Variants in TEKT5 observed in about 807,000 individuals in gnomAD.
The protein encoded by TEKT5 is tektin 5.
In TEKT5, 52 loss-of-function variants were observed where a neutral mutation model predicts 48.7. The observed-to-expected ratio is 1.07, with a 90% confidence interval of 0.86 to 1.35. The LOEUF (loss-of-function observed/expected upper bound fraction) is 1.35. Among genes scored for constraint, TEKT5 ranks in the 40% most tolerant of loss-of-function variants. TEKT5 has a pLI of 0.00. For missense variants in TEKT5, 831 were observed against 641.6 expected (o/e 1.30, Z -3.19); for synonymous variants, 318 against 267.6 (o/e 1.19, Z -1.84).
chr16:10,647,198 G>A (rs369716818), intron 5 of TEKT5, among the ~76,000 whole-genome samples: 8 of 152,106 alleles, frequency 5.3e-5, no homozygotes, highest in East Asian at 1.9e-4. Flanking sequence ...GGCTGGGCGC[G>A]GTGGCTGACA....
chr16:10,656,432 T>G (rs1898263733), intron 5 of TEKT5, among the ~76,000 whole-genome samples: 1 of 151,980 alleles, frequency 6.6e-6, no homozygotes, highest in Non-Finnish European at 1.5e-5. Flanking sequence ...TTTTTATTTT[T>G]CTTAGAGACA....
chr16:10,653,652 C>T (rs1898207729), intron 5 of TEKT5, among the ~76,000 whole-genome samples: 1 of 152,176 alleles, frequency 6.6e-6, no homozygotes, highest in South Asian at 2.1e-4. Context: ...GTGGCCTACG[C>T]TTGTAATCCA....
intron 5 of TEKT5, among the ~76,000 whole-genome samples, chr16:10,637,197 G>A (rs1318878193): frequency 6.6e-6 from 1 of 151,792 alleles, no homozygotes; most frequent in Non-Finnish European, 1.5e-5. Flanking sequence ...TGTTACCCAG[G>A]ATTGATTTTT....
chr16:10,681,786 G>A (rs964237560), intron 4 of TEKT5, among the ~76,000 whole-genome samples: 1 of 151,952 alleles, frequency 6.6e-6, no homozygotes, highest in Admixed American at 6.6e-5. Flanking sequence ...TGAGTTCGTG[G>A]CTCCCCCATA....
At chr16:10,646,184 C>T (rs1175167973) in intron 5 of TEKT5, among the ~76,000 whole-genome samples, 1 of 152,054 alleles carries the variant, frequency 6.6e-6, no homozygotes, top group Admixed American at 6.6e-5. Flanking sequence ...AAATGGACAT[C>T]CTGTATTTGT....
chr16:10,640,071 C>CTCCTTCTTCTCCT (rs1221853353), intron 5 of TEKT5, among the ~76,000 whole-genome samples: 14 of 81,498 alleles, frequency 1.7e-4, no homozygotes, highest in Middle Eastern at 8.1e-3. Flanking sequence ...CTTTTTCTTT[C>CTCCTTCTTCTCCT]TCCTTCTTCT....
At chr16:10,639,265 C>A (rs1897957760) in intron 5 of TEKT5, among the ~76,000 whole-genome samples, 1 of 151,358 alleles carries the variant, frequency 6.6e-6, no homozygotes, top group Non-Finnish European at 1.5e-5. Context: ...TATGATCGCA[C>A]CACTGCACTC....
chr16:10,674,784 C>T lies in TEKT5; in HGVS notation c.1086+1175G>A, dbSNP rs540056585. ...AAACCCTGCCTGCAGCCCACTAATC[C>T]CCCCAAAGATAGAGACACAATAAGA... On this transcript the variant is annotated intron_variant, in intron 5 of 6. Coordinates refer to ENST00000283025, the MANE Select transcript of TEKT5 (RefSeq NM_144674.2). Among the ~76,000 whole-genome samples, 4 of 151,856 alleles carry T rather than the reference C, an allele frequency of 2.6e-5. No homozygotes were observed. In the South Asian group the frequency reaches 6.2e-4, roughly 24 times the overall value.
At position 10,635,065 on chromosome 16, in the gene TEKT5, C is replaced by G. The variant is rs556118952; in HGVS notation, c.1241+699G>C. On this transcript the variant is annotated intron_variant, in intron 6 of 6. Coordinates refer to ENST00000283025, the MANE Select transcript of TEKT5 (RefSeq NM_144674.2). ...GATAATGCCCCTAGCATGGGGAGAA[C>G]AGAGTGGCCAAGTGGTTTGCCCCAA... Among the ~76,000 whole-genome samples the G allele has an allele frequency of 4.1e-4, 62 of 152,208 alleles. 1 individual carries two copies. The highest frequency in any genetic ancestry group is 1.4e-3 in the African/African-American group (59 of 41,510).
At chr16:10,634,835 G>T (rs1281527532) in intron 6 of TEKT5, among the ~76,000 whole-genome samples, 2 of 152,162 alleles carry the variant, frequency 1.3e-5, no homozygotes, top group African/African-American at 4.8e-5. Flanking sequence ...AGTGAGCTTG[G>T]ATGTGGAACC....
chr16:10,666,639 A>T (rs753144983), intron 5 of TEKT5, among the ~76,000 whole-genome samples: 1 of 152,176 alleles, frequency 6.6e-6, no homozygotes, highest in Non-Finnish European at 1.5e-5. Context: ...GAGAGAGGGA[A>T]CGCCTGCACA....
chr16:10,633,266 C>G (rs1438945065), intron 6 of TEKT5, among the ~76,000 whole-genome samples: 1 of 152,116 alleles, frequency 6.6e-6, no homozygotes, highest in Non-Finnish European at 1.5e-5. Flanking sequence ...GAGGCTGAGG[C>G]AGGAGAATCT....
chr16:10,642,599 G>A (rs1029868589), intron 5 of TEKT5, among the ~76,000 whole-genome samples: 13 of 152,052 alleles, frequency 8.5e-5, no homozygotes, highest in Admixed American at 3.3e-4. Flanking sequence ...TCTTTCTGAT[G>A]GTGATCATCT....
At chr16:10,631,272 A>G (rs111798988) in intron 6 of TEKT5, among the ~76,000 whole-genome samples, 9,851 of 128,576 alleles carry the variant, frequency 0.077, 545 homozygotes, top group African/African-American at 0.09. Context: ...AAAAAAAAAA[A>G]AGAGAGAGAG....
intron 5 of TEKT5, among the ~76,000 whole-genome samples, chr16:10,648,436 G>C (rs970497754): frequency 5.9e-5 from 9 of 152,104 alleles, no homozygotes; most frequent in African/African-American, 1.9e-4. Context: ...TCCTGCCTCA[G>C]CCTCCTGAGT....
chr16:10,659,046 C>A (rs1000122237), intron 5 of TEKT5, among the ~76,000 whole-genome samples: 3 of 152,186 alleles, frequency 2.0e-5, no homozygotes, highest in African/African-American at 7.2e-5. Context: ...TGTGTGGTAT[C>A]TGTCCTGTGC....
chr16:10,631,858 G>A (rs1185546972), intron 6 of TEKT5, among the ~76,000 whole-genome samples: 1 of 152,182 alleles, frequency 6.6e-6, no homozygotes, highest in Non-Finnish European at 1.5e-5. Flanking sequence ...CCTTGATTTG[G>A]GACTTCTGGC....
intron 5 of TEKT5, among the ~76,000 whole-genome samples, chr16:10,640,018 CTT>C (rs1897968310): frequency 6.6e-6 from 1 of 151,056 alleles, no homozygotes; most frequent in Non-Finnish European, 1.5e-5. Flanking sequence ...CCTCCTCAGT[CTT>C]TCTCTTCCCC....
Position 10,684,182 on chromosome 16 carries a change from TTAGAG to T in TEKT5, c.720-2051_720-2047del, listed in dbSNP as rs1249637211. On this transcript the variant is annotated intron_variant, in intron 3 of 6. Transcript: ENST00000283025. ...TGCCTTGAAGTGTTTAGAAGAATTG[TTAGAG>T]TAGAGAAGGGAGTAACTTCCATTAA... is the stretch of plus-strand genomic sequence containing the variant. Among the ~76,000 whole-genome samples, 11 of 152,344 alleles carry T rather than the reference TTAGAG, an allele frequency of 7.2e-5. No individual in the cohort carries two copies. In the East Asian group the frequency reaches 1.9e-3, roughly 27 times the overall value.
Sources: gnomAD v4.1 joint callset for allele counts (sites outside exome capture counted in the v4.1 genomes callset) on GRCh38, gnomAD v4.1.1 for gene constraint, MANE v1.5 for transcripts, NCBI Gene and HGNC (gene_info 2026-07-23, HGNC 2026-07-21) for gene names.